Variants in DSCAM observed in about 807,000 individuals in gnomAD.
DSCAM encodes DS cell adhesion molecule.
A neutral mutation model predicts 217.7 loss-of-function variants in DSCAM; 47 were observed. The observed-to-expected ratio is 0.22, with a 90% confidence interval of 0.17 to 0.28. The LOEUF (loss-of-function observed/expected upper bound fraction) is 0.28. Ranked by LOEUF, DSCAM falls within the 10% of genes least tolerant of loss-of-function variation. The probability of loss-of-function intolerance (pLI) is 1.00; values close to 1 mark genes in which losing one functional copy is unlikely to be tolerated. For missense variants in DSCAM, 2,080 were observed against 2,618.3 expected (o/e 0.79, Z 4.49); for synonymous variants, 1,056 against 1,015.3 (o/e 1.04, Z -0.76).
intron 11 of DSCAM, among the ~76,000 whole-genome samples, chr21:40,257,234 T>A (rs139319415): frequency 1.3e-5 from 2 of 152,346 alleles, no homozygotes; most frequent in African/African-American, 4.8e-5. Flanking sequence ...GCCTAGTATT[T>A]GCAGCTAACC....
chr21:40,291,319 G>A (rs757376908), intron 10 of DSCAM, among the ~76,000 whole-genome samples: 2 of 152,206 alleles, frequency 1.3e-5, no homozygotes, highest in Non-Finnish European at 1.5e-5. Context: ...TTTAAAGCAT[G>A]AGGCAGATCA....
At chr21:40,751,129 C>A (rs563278951) in intron 1 of DSCAM, among the ~76,000 whole-genome samples, 1 of 152,116 alleles carries the variant, frequency 6.6e-6, no homozygotes, top group East Asian at 1.9e-4. Context: ...TTGCTGTTTG[C>A]TCTGCCTGAA....
intron 25 of DSCAM, 135 bp from the exon 26 acceptor site, chr21:40,079,112 C>A: frequency 1.1e-6 from 1 of 915,714 alleles, no homozygotes; most frequent in Non-Finnish European, 1.6e-6. Context: ...AGGCCACTGG[C>A]AACTTGTCCC....
chr21:40,371,110 T>C (rs947318885), intron 3 of DSCAM, among the ~76,000 whole-genome samples: 2 of 152,224 alleles, frequency 1.3e-5, no homozygotes, highest in Non-Finnish European at 2.9e-5. Context: ...GTAATATCTA[T>C]ATTAACTTTC....
At chr21:40,465,676 G>A (rs2075838927) in intron 3 of DSCAM, among the ~76,000 whole-genome samples, 1 of 152,134 alleles carries the variant, frequency 6.6e-6, no homozygotes, top group Non-Finnish European at 1.5e-5. Context: ...TAGTTCATCA[G>A]CTATCATTAG....
chr21:40,167,545 C>T (rs1362486367), intron 15 of DSCAM, among the ~76,000 whole-genome samples: 2 of 152,144 alleles, frequency 1.3e-5, no homozygotes, highest in African/African-American at 2.4e-5. Context: ...TTGACAACCT[C>T]GTGAATCAAT....
At chr21:40,364,900 G>C (rs1214549862) in intron 4 of DSCAM, among the ~76,000 whole-genome samples, 1 of 149,088 alleles carries the variant, frequency 6.7e-6, no homozygotes, top group Non-Finnish European at 1.5e-5. Flanking sequence ...TTACATTTTT[G>C]TTATATTTCA....
intron 3 of DSCAM, among the ~76,000 whole-genome samples, chr21:40,608,819 T>C (rs189713302): frequency 1.2e-4 from 19 of 152,344 alleles, no homozygotes; most frequent in East Asian, 9.6e-4. Context: ...GTTTGAAGTG[T>C]ACCAGGGACC....
At chr21:40,483,349 G>T (rs1208816328) in intron 3 of DSCAM, among the ~76,000 whole-genome samples, 1 of 152,132 alleles carries the variant, frequency 6.6e-6, no homozygotes, top group African/African-American at 2.4e-5. Context: ...GATAAGTATG[G>T]TTTTAGGCAT....
chr21:40,718,994 T>C (rs545872863), intron 1 of DSCAM, among the ~76,000 whole-genome samples: 10 of 152,136 alleles, frequency 6.6e-5, no homozygotes, highest in African/African-American at 2.4e-4. Flanking sequence ...CATGCTCCTG[T>C]AGTCCCAGCT....
chr21:40,405,959 T>C (rs2075276319), intron 3 of DSCAM, among the ~76,000 whole-genome samples: 1 of 152,184 alleles, frequency 6.6e-6, no homozygotes, highest in Non-Finnish European at 1.5e-5. Flanking sequence ...ATTGCACCAC[T>C]GCACTCCAGC....
At chr21:40,060,404 T>C (rs1029466531) in intron 28 of DSCAM, among the ~76,000 whole-genome samples, 1 of 152,186 alleles carries the variant, frequency 6.6e-6, no homozygotes, top group African/African-American at 2.4e-5. Context: ...TCAGAAAATA[T>C]AGCCCGCAGT....
Position 40,042,627 on chromosome 21 carries a change from A to T in DSCAM, c.5430T>A (p.Thr1810=). 1 of 1,613,854 alleles carries T rather than the reference A, an allele frequency of 6.2e-7. No individual in the cohort carries two copies. ...CGTAGGCCCTGGCCAGTTCTTCGTA[A>T]GTGGAGGAGGCACTTTCTGTGGAGA... The part of the protein sequence containing the change: ...SMVSTESASS[T]YEELARAYEH... The change falls in exon 32 of 33, where the codon ACT becomes ACA. Residue 1810 remains threonine, a synonymous_variant. Transcript: ENST00000400454.
chr21:40,730,715 G>C (rs554126573), intron 1 of DSCAM, among the ~76,000 whole-genome samples: 19 of 152,238 alleles, frequency 1.2e-4, no homozygotes, highest in African/African-American at 4.6e-4. Context: ...AAGAGAGGAG[G>C]GGGTGGGAGC....
chr21:40,339,461 T>A, intron 6 of DSCAM, 46 bp from the exon 7 acceptor site: 1 of 1,502,962 alleles, frequency 6.7e-7, no homozygotes, highest in Non-Finnish European at 8.9e-7. Context: ...TACAAATAAT[T>A]AAACAACTTC....
chr21:40,400,465 T>G (rs1160319), intron 3 of DSCAM, among the ~76,000 whole-genome samples: 56,579 of 152,156 alleles, frequency 0.37, 12,599 homozygotes, highest in Non-Finnish European at 0.48. Flanking sequence ...GTTTTAATAG[T>G]CTTTGTAAGT....
At chr21:40,531,903 T>C (rs1195769334) in intron 3 of DSCAM, among the ~76,000 whole-genome samples, 1 of 152,176 alleles carries the variant, frequency 6.6e-6, no homozygotes, top group Admixed American at 6.5e-5. Context: ...ACTTTGAAGA[T>C]GAGGTGCTGG....
intron 3 of DSCAM, among the ~76,000 whole-genome samples, chr21:40,485,401 C>A (rs1266438233): frequency 6.6e-6 from 1 of 151,902 alleles, no homozygotes; most frequent in Admixed American, 6.6e-5. Flanking sequence ...CGCCACCGCG[C>A]CCGGCTAATT....
intron 3 of DSCAM, among the ~76,000 whole-genome samples, chr21:40,638,820 ATTTG>A (rs1340238317): frequency 6.6e-6 from 1 of 152,058 alleles, no homozygotes; most frequent in African/African-American, 2.4e-5. Flanking sequence ...ACTGTTTACT[ATTTG>A]TTGTGCTTTG....
Sources: gnomAD v4.1 joint callset for allele counts (sites outside exome capture counted in the v4.1 genomes callset) on GRCh38, gnomAD v4.1.1 for gene constraint, MANE v1.5 for transcripts, NCBI Gene and HGNC (gene_info 2026-07-23, HGNC 2026-07-21) for gene names.